The following ERAP1 variants were observed in gnomAD, a reference collection of about 807,000 sequenced individuals.
ERAP1 encodes endoplasmic reticulum aminopeptidase 1.
A neutral mutation model predicts 103.7 loss-of-function variants in ERAP1; 86 were observed. The ratio of observed to expected loss-of-function variants is 0.83; its 90% CI spans 0.70 to 0.99. The LOEUF (loss-of-function observed/expected upper bound fraction) is 0.99, where lower values mean the gene tolerates loss of function less well. Ranked by LOEUF, ERAP1 falls within the 50% of genes least tolerant of loss-of-function variation. The pLI, the probability that ERAP1 is intolerant of heterozygous loss-of-function variation, is 0.00. For synonymous variants in ERAP1, 398 were observed against 402.4 expected, an observed-to-expected ratio of 0.99 and a Z score of 0.13; for missense variants, 1,009 against 1,128.4, an observed-to-expected ratio of 0.89 and a Z score of 1.52.
In ERAP1 at chr5:96,790,531, AG is replaced by A. The variant is rs745444457; in HGVS notation, c.1432del (p.Leu478CysfsTer14). On this transcript the variant is annotated frameshift_variant, in exon 9 of 19. Transcript: ENST00000443439. LOFTEE classifies it high-confidence loss of function. ...HSYKNTKNED[L>X]WDSMASICPT... ...ACTCACACTTGCCATACTATCCCAC[AG>A]GTCCTCGTTTTTTGTATTTTTATAG... 37 of 1,613,948 alleles carry A rather than the reference AG, an allele frequency of 2.3e-5. No individual in the cohort carries two copies. The highest frequency in any genetic ancestry group is 3.1e-5 in the Non-Finnish European group (36 of 1,179,890).
the ERAP1 span, among the ~76,000 whole-genome samples, chr5:96,845,311 T>C: frequency 2.0e-5 from 3 of 152,294 alleles, no homozygotes; most frequent in East Asian, 3.9e-4. Flanking sequence ...CTCAGCCCAC[T>C]GTAACCTCCA....
At chr5:96,843,872 TTAAC>T in the ERAP1 span, among the ~76,000 whole-genome samples, 1 of 152,232 alleles carries the variant, frequency 6.6e-6, no homozygotes, top group African/African-American at 2.4e-5. Flanking sequence ...CTTTTCTTTC[TTAAC>T]TAATTGCAAA....
chr5:96,833,128 C>T, the ERAP1 span, among the ~76,000 whole-genome samples: 3 of 152,160 alleles, frequency 2.0e-5, no homozygotes, highest in South Asian at 4.1e-4. Context: ...TTTTATAAGC[C>T]ACCCAAAATA....
At chr5:96,833,279 C>CT in the ERAP1 span, among the ~76,000 whole-genome samples, 1 of 152,208 alleles carries the variant, frequency 6.6e-6, no homozygotes, top group South Asian at 2.1e-4. Flanking sequence ...AGCTGCAAAT[C>CT]TCTTTGTGTT....
chr5:96,761,306 G>T (rs1767866377), exon 20 of ERAP1: 1 of 152,072 alleles, frequency 6.6e-6, no homozygotes, highest in Non-Finnish European at 1.5e-5. Context: ...CTTTTCATTT[G>T]TCATATAAGC....
the ERAP1 span, chr5:96,880,389 G>A: frequency 2.4e-6 from 2 of 830,652 alleles, no homozygotes; most frequent in South Asian, 1.9e-5. Context: ...CCCAGAAGAA[G>A]GAAAAGATCT....
At chr5:96,781,600 T>C in intron 16 of ERAP1, 93 bp downstream of exon 16, 3 of 1,533,912 alleles carry the variant, frequency 2.0e-6, no homozygotes, top group Non-Finnish European at 2.7e-6. Context: ...GGATAGGCAA[T>C]TCCTGGCCAA....
At chr5:96,793,182 C>G (rs942971369) in intron 7 of ERAP1, among the ~76,000 whole-genome samples, 11 of 152,164 alleles carry the variant, frequency 7.2e-5, no homozygotes, top group African/African-American at 2.7e-4. Flanking sequence ...AATTTACAAA[C>G]AATCATAGAT....
the ERAP1 span, chr5:96,883,691 C>A: frequency 3.6e-4 from 429 of 1,196,148 alleles, 4 homozygotes; most frequent in East Asian, 0.011. Context: ...GAAATCAAGT[C>A]TATTACCCCC....
the ERAP1 span, among the ~76,000 whole-genome samples, chr5:96,818,035 GAAAT>G: frequency 1.3e-5 from 2 of 152,104 alleles, no homozygotes; most frequent in Admixed American, 6.5e-5. Context: ...AAATAAAAAA[GAAAT>G]AAAGCAATCA....
At chr5:96,855,906 G>A in the ERAP1 span, among the ~76,000 whole-genome samples, 1 of 152,120 alleles carries the variant, frequency 6.6e-6, no homozygotes, top group African/African-American at 2.4e-5. Context: ...GTGTATGTGT[G>A]AGCCTTGTTA....
chr5:96,817,033 G>C, the ERAP1 span, among the ~76,000 whole-genome samples: 1 of 152,212 alleles, frequency 6.6e-6, no homozygotes, highest in African/African-American at 2.4e-5. Context: ...GAATTAATAA[G>C]TGTTCATTGT....
At chr5:96,790,903 A>G (rs540756747) in intron 8 of ERAP1, among the ~76,000 whole-genome samples, 1 of 152,298 alleles carries the variant, frequency 6.6e-6, no homozygotes, top group Non-Finnish European at 1.5e-5. Flanking sequence ...CGATGGGGCA[A>G]ATTAGCATCA....
downstream of ERAP1, chr5:96,769,559 ATATC>A (rs1437168634): frequency 6.6e-6 from 1 of 152,066 alleles, no homozygotes; most frequent in Non-Finnish European, 1.5e-5. Flanking sequence ...GCAGATTTAC[ATATC>A]TATCATTCTC....
At chr5:96,908,164 C>T in the ERAP1 span, among the ~76,000 whole-genome samples, 1 of 152,128 alleles carries the variant, frequency 6.6e-6, no homozygotes, top group Admixed American at 6.5e-5. Context: ...ACCCTTTGTT[C>T]TGGAATCAGT....
At chr5:96,792,670 T>A (rs1776869153) in intron 7 of ERAP1, among the ~76,000 whole-genome samples, 1 of 152,176 alleles carries the variant, frequency 6.6e-6, no homozygotes, top group Non-Finnish European at 1.5e-5. Context: ...TTACTAAAGA[T>A]CATGTAGAAA....
chr5:96,879,720 GA>G, the ERAP1 span: 1 of 1,614,084 alleles, frequency 6.2e-7, no homozygotes. Flanking sequence ...AATTCACACA[GA>G]AAACCAATGT....
intron 3 of ERAP1, among the ~76,000 whole-genome samples, chr5:96,798,831 T>C (rs888663744): frequency 1.3e-5 from 2 of 151,714 alleles, no homozygotes; most frequent in African/African-American, 2.4e-5. Flanking sequence ...CTTTTCTTTT[T>C]AAATGCATTC....
chr5:96,832,908 C>A, the ERAP1 span, among the ~76,000 whole-genome samples: 1 of 152,076 alleles, frequency 6.6e-6, no homozygotes, highest in East Asian at 1.9e-4. Flanking sequence ...GAAGATGGGG[C>A]CTTTGAGACT....
Sources: allele counts gnomAD v4.1 joint callset (sites outside exome capture counted in the v4.1 genomes callset), GRCh38; gene constraint gnomAD v4.1.1; transcripts MANE v1.5; gene names NCBI Gene and HGNC (gene_info 2026-07-23, HGNC 2026-07-21).